The following EXOC4 variants were observed in gnomAD, a reference collection of about 807,000 sequenced individuals.
EXOC4 encodes exocyst complex component 4.
A neutral mutation model predicts 107.2 loss-of-function variants in EXOC4; 71 were observed. That is an observed-to-expected ratio of 0.66 (90% CI 0.55 to 0.81). The LOEUF is 0.81. EXOC4 is among the 30% of genes least tolerant of loss of function. EXOC4 has a pLI of 0.00. For synonymous variants in EXOC4, 456 were observed against 441.2 expected (o/e 1.03, Z -0.42); for missense variants, 1,108 against 1,189.6 (o/e 0.93, Z 1.01).
At chr7:133,321,860 T>C (rs1409939997) in intron 5 of EXOC4, among the ~76,000 whole-genome samples, 1 of 152,210 alleles carries the variant, frequency 6.6e-6, no homozygotes, top group East Asian at 1.9e-4. Context: ...AGTGTTCCTA[T>C]TTCTCCACAC....
intron 9 of EXOC4, among the ~76,000 whole-genome samples, chr7:133,490,490 G>T (rs1439003224): frequency 3.3e-5 from 5 of 152,124 alleles, no homozygotes; most frequent in Non-Finnish European, 7.3e-5. Flanking sequence ...AGAAATTGAG[G>T]CAAGCATTTC....
chr7:133,458,151 C>A (rs1049342802), intron 7 of EXOC4, among the ~76,000 whole-genome samples: 1 of 152,144 alleles, frequency 6.6e-6, no homozygotes, highest in South Asian at 2.1e-4. Context: ...TAGACCACTA[C>A]GCAGCTATTC....
At chr7:134,034,485 A>T (rs927719451) in intron 17 of EXOC4, among the ~76,000 whole-genome samples, 1 of 152,168 alleles carries the variant, frequency 6.6e-6, no homozygotes, top group Non-Finnish European at 1.5e-5. Context: ...GAGGTAATTG[A>T]ATCACGGGGG....
At chr7:133,828,351 A>G (rs1001672781) in intron 11 of EXOC4, among the ~76,000 whole-genome samples, 1 of 152,186 alleles carries the variant, frequency 6.6e-6, no homozygotes, top group Non-Finnish European at 1.5e-5. Flanking sequence ...AGCAAATGAT[A>G]GTTAGCATTC....
chr7:133,428,558 A>T (rs1030985017), intron 7 of EXOC4, among the ~76,000 whole-genome samples: 1 of 152,192 alleles, frequency 6.6e-6, no homozygotes, highest in Non-Finnish European at 1.5e-5. Flanking sequence ...TTATTTTATT[A>T]TAATCCTTGG....
Position 133,370,890 on chromosome 7 carries a change from C to G in EXOC4, c.1008-3938C>G, listed in dbSNP as rs533852354. ...CAGCAGTGTTGTGAGTCTCTTAGAA[C>G]AGTTATTAATTAATACTTTCACTTT... On this transcript the variant is annotated intron_variant, in intron 6 of 17. Coordinates refer to ENST00000253861, the MANE Select transcript of EXOC4 (RefSeq NM_021807.4). Among the ~76,000 whole-genome samples, 21 of 152,242 alleles carry G rather than the reference C, an allele frequency of 1.4e-4. No individual in the cohort carries two copies. The South Asian group carries it at 1.4e-3, about 11-fold the overall frequency.
intron 14 of EXOC4, among the ~76,000 whole-genome samples, chr7:133,971,359 TATAGAGAG>T (rs1289273095): frequency 6.3e-4 from 61 of 96,724 alleles, no homozygotes; most frequent in East Asian, 2.4e-3. Context: ...TATATATATA[TATAGAGAG>T]AGAGAGAGAG....
At chr7:133,277,817 A>C (rs2150528318) in intron 2 of EXOC4, among the ~76,000 whole-genome samples, 1 of 152,342 alleles carries the variant, frequency 6.6e-6, no homozygotes, top group Admixed American at 6.5e-5. Flanking sequence ...GTACCATGAC[A>C]GTCCATTTCT....
intron 9 of EXOC4, among the ~76,000 whole-genome samples, chr7:133,583,016 G>A (rs911737674): frequency 2.0e-5 from 3 of 152,202 alleles, no homozygotes; most frequent in Non-Finnish European, 2.9e-5. Context: ...CACATGCCAT[G>A]CATGCTTCAC....
At chr7:133,443,188 A>G (rs965687277) in intron 7 of EXOC4, among the ~76,000 whole-genome samples, 1 of 152,144 alleles carries the variant, frequency 6.6e-6, no homozygotes, top group Non-Finnish European at 1.5e-5. Flanking sequence ...GATCTCAGGC[A>G]CAGGCATGGT....
At chr7:133,429,365 C>T (rs1479600066) in intron 7 of EXOC4, among the ~76,000 whole-genome samples, 3 of 152,100 alleles carry the variant, frequency 2.0e-5, no homozygotes, top group African/African-American at 7.2e-5. Flanking sequence ...TCTAACTTTG[C>T]TAAGAAATTG....
In EXOC4 at chr7:134,011,342, GAA is replaced by G. The variant is rs147238007; in HGVS notation, c.2687+3508_2687+3509del. On this transcript the variant is annotated intron_variant, in intron 17 of 17. Transcript: ENST00000253861. ...CTTGAGTGACGCCATTGTTCAAAAA[GAA>G]TATCCCAGAGTTTTCTTCCCAGTTC... Among the ~76,000 whole-genome samples, 563 of 152,250 alleles carry G rather than the reference GAA, an allele frequency of 3.7e-3. 5 individuals are homozygous for G. Among genetic ancestry groups the G allele is most frequent in the African/African-American group, 0.013 (544 of 41,548 alleles).
At chr7:133,879,475 C>CT (rs1798919421) in intron 11 of EXOC4, among the ~76,000 whole-genome samples, 1 of 152,134 alleles carries the variant, frequency 6.6e-6, no homozygotes, top group African/African-American at 2.4e-5. Flanking sequence ...TTTGGTAATG[C>CT]TGAAATATAA....
chr7:133,942,672 G>A (rs1377390104), intron 14 of EXOC4, among the ~76,000 whole-genome samples: 2 of 152,032 alleles, frequency 1.3e-5, no homozygotes, highest in Admixed American at 6.5e-5. Flanking sequence ...TTTCTACTAC[G>A]TCAGTTAGAG....
intron 14 of EXOC4, among the ~76,000 whole-genome samples, chr7:133,969,388 G>C (rs1215515341): frequency 6.6e-6 from 1 of 152,194 alleles, no homozygotes; most frequent in Non-Finnish European, 1.5e-5. Context: ...CCTTGCTGAT[G>C]ATGAGTTGTG....
At chr7:133,710,798 T>TG (rs1179470279) in intron 10 of EXOC4, among the ~76,000 whole-genome samples, 6 of 151,210 alleles carry the variant, frequency 4.0e-5, no homozygotes, top group Non-Finnish European at 7.4e-5. Flanking sequence ...CAATTTCTTT[T>TG]TTTTTGTTTT....
rs1802030949 is a variant in EXOC4, at chr7:133,609,581, GTAAA to G, written c.1418-20463_1418-20460del. 3.3e-5 allele frequency among the ~76,000 whole-genome samples: 5 copies of G among 152,328 alleles called. No individual in the cohort carries two copies. In the South Asian group the frequency reaches 1.0e-3, roughly 32 times the overall value. ...CTGCAACTCTCATATTGACACATAA[GTAAA>G]CATTTATATGTGTAAAGCATAGTTA... On this transcript the variant is annotated intron_variant, in intron 9 of 17. Transcript: ENST00000253861.
chr7:133,717,777 T>C (rs1795028597), intron 10 of EXOC4, among the ~76,000 whole-genome samples: 1 of 152,214 alleles, frequency 6.6e-6, no homozygotes, highest in African/African-American at 2.4e-5. Flanking sequence ...TCTTGTCTTA[T>C]CCTTGGGGAG....
chr7:133,281,607 A>G (rs1448266960), intron 2 of EXOC4, among the ~76,000 whole-genome samples: 1 of 151,836 alleles, frequency 6.6e-6, no homozygotes, highest in African/African-American at 2.4e-5. Context: ...AGTTGTTTGC[A>G]CATTGTTGTA....
Sources: allele counts gnomAD v4.1 joint callset (sites outside exome capture counted in the v4.1 genomes callset), GRCh38; gene constraint gnomAD v4.1.1; transcripts MANE v1.5; gene names NCBI Gene and HGNC (gene_info 2026-07-23, HGNC 2026-07-21).